FRAS1: variants seen among roughly 807,000 people sequenced by gnomAD.
The protein encoded by FRAS1 is extracellular matrix organizing protein FRAS1.
Under a neutral mutation model 435.2 loss-of-function variants are expected in FRAS1, and 290 were observed. The ratio of observed to expected loss-of-function variants is 0.67; its 90% CI spans 0.61 to 0.73. The LOEUF is 0.73. FRAS1 is among the 30% of genes least tolerant of loss of function. The pLI is 0.00. For synonymous variants in FRAS1, 1,800 were observed against 1,851.0 expected (o/e 0.97, Z 0.71); for missense variants, 4,860 against 5,001.5 (o/e 0.97, Z 0.85).
At chr4:78,301,035 G>T (rs1167430666) in intron 14 of FRAS1, among the ~76,000 whole-genome samples, 2 of 152,192 alleles carry the variant, frequency 1.3e-5, no homozygotes, top group Non-Finnish European at 2.9e-5. Context: ...GGACTTGCTT[G>T]TGCAATTTAG....
At chr4:78,149,705 A>AT (rs1303261170) in intron 2 of FRAS1, among the ~76,000 whole-genome samples, 12 of 152,010 alleles carry the variant, frequency 7.9e-5, no homozygotes, top group Non-Finnish European at 1.8e-4. Context: ...TTCTTCATTG[A>AT]TTTTCTCATA....
At chr4:78,537,425 G>T (rs530422710) in intron 72 of FRAS1, among the ~76,000 whole-genome samples, 2 of 152,194 alleles carry the variant, frequency 1.3e-5, no homozygotes, top group African/African-American at 4.8e-5. Context: ...GGAAACTCTC[G>T]GCCAATGTTT....
chr4:78,092,113 G>A (rs1375210098), intron 2 of FRAS1, among the ~76,000 whole-genome samples: 3 of 151,954 alleles, frequency 2.0e-5, no homozygotes, highest in African/African-American at 7.2e-5. Context: ...TTCCCTCAGT[G>A]TTTTGGTGGT....
intron 18 of FRAS1, among the ~76,000 whole-genome samples, chr4:78,326,043 C>A (rs778469907): frequency 6.6e-6 from 1 of 152,118 alleles, no homozygotes; most frequent in Non-Finnish European, 1.5e-5. Context: ...CATTACATGA[C>A]GTACTTTATG....
intron 22 of FRAS1, among the ~76,000 whole-genome samples, chr4:78,365,583 C>T (rs1731231593): frequency 6.6e-6 from 1 of 151,976 alleles, no homozygotes; most frequent in Non-Finnish European, 1.5e-5. Context: ...GGCAGGGTGG[C>T]CTCTGCACAA....
At position 78,245,256 on chromosome 4, in the gene FRAS1, C is replaced by A; in HGVS notation, c.240C>A (p.Ala80=). The A allele has an allele frequency of 6.2e-7, 1 of 1,608,240 alleles. No homozygotes were observed. Among genetic ancestry groups the A allele is most frequent in the Non-Finnish European group, 8.5e-7 (1 of 1,177,316 alleles). The change falls in exon 4 of 74, where the codon GCC becomes GCA. Residue 80 remains alanine (A), a synonymous_variant. Coordinates refer to ENST00000512123, the MANE Select transcript of FRAS1 (RefSeq NM_025074.7). The part of the protein sequence containing the change: ...FEKGEVLQIA[A]NQCCPECVLR... ...AGGGAGAAGTGCTTCAAATAGCTGCCAACCAATGCTGTCCTGAGTGTGTTT... is the reference window on the plus strand; with the variant it reads ...AGGGAGAAGTGCTTCAAATAGCTGCAAACCAATGCTGTCCTGAGTGTGTTT...
At chr4:78,370,103 T>A in intron 23 of FRAS1, 119 bp downstream of exon 23, 1 of 872,276 alleles carries the variant, frequency 1.1e-6, no homozygotes, top group Admixed American at 2.6e-5. Context: ...CTGTCTCTGA[T>A]GATAGCAACA....
chr4:78,257,902 T>C (rs1257306825), intron 6 of FRAS1, among the ~76,000 whole-genome samples: 1 of 152,230 alleles, frequency 6.6e-6, no homozygotes, highest in Non-Finnish European at 1.5e-5. Context: ...GCCATAACCA[T>C]AACCCTTCCA....
intron 64 of FRAS1, 121 bp from the exon 65 acceptor site, chr4:78,513,264 AAAGCTTC>A: frequency 4.9e-6 from 4 of 822,794 alleles, no homozygotes; most frequent in Non-Finnish European, 7.8e-6. Flanking sequence ...TCCTACCTGG[AAAGCTTC>A]AGGAAGAAAA....
At chr4:78,397,745 C>T (rs1732730305) in intron 29 of FRAS1, among the ~76,000 whole-genome samples, 1 of 152,154 alleles carries the variant, frequency 6.6e-6, no homozygotes, top group Non-Finnish European at 1.5e-5. Context: ...ATATTAATCC[C>T]TTCAGTGTTC....
At chr4:78,131,385 C>A (rs1046168868) in intron 2 of FRAS1, among the ~76,000 whole-genome samples, 2 of 152,154 alleles carry the variant, frequency 1.3e-5, no homozygotes, top group Non-Finnish European at 2.9e-5. Context: ...CATCTAAACT[C>A]TTTATTCTTC....
chr4:78,462,776 A>T (rs1291112500), intron 47 of FRAS1, among the ~76,000 whole-genome samples: 1 of 152,250 alleles, frequency 6.6e-6, no homozygotes, highest in African/African-American at 2.4e-5. Context: ...AAGCACAGAA[A>T]CATAAAATGC....
chr4:78,248,652 C>G (rs1353004626), intron 4 of FRAS1, among the ~76,000 whole-genome samples: 1 of 152,138 alleles, frequency 6.6e-6, no homozygotes, highest in Non-Finnish European at 1.5e-5. Flanking sequence ...ATAATATGCA[C>G]TGAACATTCC....
chr4:78,526,616 A>G lies in FRAS1; in HGVS notation c.10884A>G (p.Pro3628=). ...TVQPTQPWVD[P]GEKPLACTAH... Reference sequence around the variant, plus strand: ...AGCCCACACAGCCATGGGTTGACCCAGGAGAGAAGCCTTTGGCCTGCACTG... The same window carrying G: ...AGCCCACACAGCCATGGGTTGACCCGGGAGAGAAGCCTTTGGCCTGCACTG... Residue 3628 remains proline (P), a synonymous_variant, in exon 70 of 74, where the codon CCA becomes CCG. Coordinates refer to ENST00000512123, the MANE Select transcript of FRAS1 (RefSeq NM_025074.7). 1 of 1,598,734 alleles carries G rather than the reference A, an allele frequency of 6.3e-7. No homozygotes were observed. Among genetic ancestry groups the G allele is most frequent in the Non-Finnish European group, 8.5e-7 (1 of 1,173,344 alleles).
chr4:78,334,927 T>A (rs1730111590), intron 19 of FRAS1, among the ~76,000 whole-genome samples: 2 of 151,826 alleles, frequency 1.3e-5, no homozygotes, highest in African/African-American at 4.8e-5. Flanking sequence ...CCCAAGTAAT[T>A]TTTTTTAAAT....
At chr4:78,152,096 T>C (rs539551353) in intron 2 of FRAS1, among the ~76,000 whole-genome samples, 1 of 152,186 alleles carries the variant, frequency 6.6e-6, no homozygotes, top group Non-Finnish European at 1.5e-5. Flanking sequence ...TTTGCCTGGT[T>C]CTATTCTGTG....
At chr4:78,277,988 T>A (rs998550560) in intron 9 of FRAS1, among the ~76,000 whole-genome samples, 78 of 152,222 alleles carry the variant, frequency 5.1e-4, no homozygotes, top group African/African-American at 1.8e-3. Context: ...ATTTTTTGTA[T>A]TTTTAGTAGA....
At chr4:78,451,306 C>T (rs1024913342) in intron 45 of FRAS1, among the ~76,000 whole-genome samples, 2 of 152,092 alleles carry the variant, frequency 1.3e-5, no homozygotes, top group South Asian at 4.1e-4. Flanking sequence ...TGGCTATAGC[C>T]CATGTTGCTC....
chr4:78,289,446 C>T (rs1477524790), intron 14 of FRAS1, among the ~76,000 whole-genome samples: 1 of 152,128 alleles, frequency 6.6e-6, no homozygotes, highest in Non-Finnish European at 1.5e-5. Context: ...ATGCTTTGAC[C>T]ACTGTACATT....
Sources: allele counts gnomAD v4.1 joint callset (sites outside exome capture counted in the v4.1 genomes callset), GRCh38; gene constraint gnomAD v4.1.1; transcripts MANE v1.5; gene names NCBI Gene and HGNC (gene_info 2026-07-23, HGNC 2026-07-21).